SPAG16: variants seen among roughly 807,000 people sequenced by gnomAD.
SPAG16 encodes the protein sperm associated antigen 16, also known as sperm-associated antigen 16 protein.
A neutral mutation model predicts 80.4 loss-of-function variants in SPAG16; 86 were observed. That is an observed-to-expected ratio of 1.07 (90% confidence interval 0.90 to 1.28). The LOEUF is 1.28. Ranked by LOEUF, SPAG16 falls within the 50% of genes most tolerant of loss-of-function variation. The probability of loss-of-function intolerance (pLI) is 0.00; values close to 1 mark genes in which losing one functional copy is unlikely to be tolerated. For missense variants in SPAG16, 870 were observed against 765.3 expected (o/e 1.14, Z -1.61); for synonymous variants, 294 against 265.9 (o/e 1.11, Z -1.03).
intron 15 of SPAG16, among the ~76,000 whole-genome samples, chr2:214,262,946 T>A (rs749109373): frequency 1.3e-5 from 2 of 152,126 alleles, no homozygotes; most frequent in Non-Finnish European, 2.9e-5. Flanking sequence ...TATTTAGGTA[T>A]AATTGACAAA....
Position 213,681,167 on chromosome 2 carries a change from G to A in SPAG16, c.1071-181318G>A, listed in dbSNP as rs147887514. On this transcript the variant is annotated intron_variant, in intron 10 of 15. Coordinates refer to ENST00000331683, the MANE Select transcript of SPAG16 (RefSeq NM_024532.5). ...CAAAGGGGAAAGAGGATTCTCTATAGGATGTGGATTTTTCCCACAGGATAC... is the reference window on the plus strand; with the variant it reads ...CAAAGGGGAAAGAGGATTCTCTATAAGATGTGGATTTTTCCCACAGGATAC... Among the ~76,000 whole-genome samples the A allele has an allele frequency of 8.5e-3, 1,288 of 152,288 alleles. 8 individuals are homozygous for A. The highest frequency in any genetic ancestry group is 0.02 in the Middle Eastern group (6 of 294).
At chr2:213,307,454 T>C (rs1173855907) in intron 3 of SPAG16, among the ~76,000 whole-genome samples, 1 of 142,398 alleles carries the variant, frequency 7.0e-6, no homozygotes, top group East Asian at 2.1e-4. Context: ...GAATATGCGG[T>C]GTTTGGTTTT....
rs570974480 is a variant in SPAG16, at chr2:213,663,926, A to G, written c.1070+173836A>G. Among the ~76,000 whole-genome samples the G allele has an allele frequency of 5.3e-5, 8 of 152,234 alleles. No individual in the cohort carries two copies. The East Asian group carries it at 1.5e-3, about 29-fold the overall frequency. On this transcript the variant is annotated intron_variant, in intron 10 of 15. Transcript: ENST00000331683. ...GTATTAGTTTTCCATTGTCACTGCA[A>G]TAAATTAGTATAAACTTAGTTTAAA... is the stretch of plus-strand genomic sequence containing the variant.
Position 213,340,191 on chromosome 2 carries a change from CAGAA to C in SPAG16, c.570_573del (p.Lys190AsnfsTer12), listed in dbSNP as rs1323841095. 1.2e-6 allele frequency: 2 copies of C among 1,608,532 alleles called. No individual in the cohort carries two copies. The highest frequency in any genetic ancestry group is 3.4e-5 in the Admixed American group (2 of 58,964). On this transcript the variant is annotated frameshift_variant, in exon 6 of 16. Coordinates refer to ENST00000331683, the MANE Select transcript of SPAG16 (RefSeq NM_024532.5). LOFTEE classifies it high-confidence loss of function. ...AGCTAGAGAAGATTTGCTGAAAATT[CAGAA>C]AGAACGTGATTTTCATCGAATGCAT...
At position 213,792,242 on chromosome 2, in the gene SPAG16, C is replaced by T. The variant is rs1174541482; in HGVS notation, c.1071-70243C>T. On this transcript the variant is annotated intron_variant, in intron 10 of 15. Transcript: ENST00000331683. ...CAAGGAATCCCATAGCTTTTGCTGA[C>T]GGAAGCAAATCGCACTCACTGTACT... Among the ~76,000 whole-genome samples, 5 of 152,162 alleles carry T rather than the reference C, an allele frequency of 3.3e-5. No individual in the cohort carries two copies. The South Asian group carries it at 1.0e-3, about 32-fold the overall frequency.
rs568822385 is a variant in SPAG16, at chr2:214,353,145, AT to A, written c.1721-56994del. Among the ~76,000 whole-genome samples the A allele has an allele frequency of 3.7e-3, 567 of 152,246 alleles. 3 individuals carry two copies. The highest frequency in any genetic ancestry group is 6.2e-3 in the Non-Finnish European group (422 of 67,980). ...AATATTTATTTGGTCTAACTATCAA[AT>A]GTTTCTTTATTGAATAAAATTCACA... On this transcript the variant is annotated intron_variant, in intron 15 of 15. Transcript: ENST00000331683.
chr2:213,584,665 CGGGA>C (rs2060406937), intron 10 of SPAG16, among the ~76,000 whole-genome samples: 1 of 151,838 alleles, frequency 6.6e-6, no homozygotes, highest in Admixed American at 6.6e-5. Flanking sequence ...GACGGATGGA[CGGGA>C]GGAAGTGAGG....
chr2:213,521,920 T>C (rs2125851147), intron 10 of SPAG16, among the ~76,000 whole-genome samples: 1 of 152,344 alleles, frequency 6.6e-6, no homozygotes, highest in African/African-American at 2.4e-5. Context: ...GTGGTCAACA[T>C]CAATGAAGCA....
At position 213,980,568 on chromosome 2, in the gene SPAG16, T is replaced by TAATATATATAGAATATATGTGTATATAG. The variant is rs2045672895; in HGVS notation, c.1401-33382_1401-33381insATATATATAGAATATATGTGTATATAGA. 4.9e-5 allele frequency among the ~76,000 whole-genome samples: 7 copies of TAATATATATAGAATATATGTGTATATAG among 142,106 alleles called. No individual in the cohort carries two copies. The South Asian group carries it at 1.3e-3, about 26-fold the overall frequency. The allele number at this position is 142,106 out of a possible 152,430, so 93.2% of individuals were successfully genotyped here. A position where few individuals can be genotyped will look rare whatever the true frequency, so the allele number is the denominator to read the frequency against. On this transcript the variant is annotated intron_variant, in intron 12 of 15. Coordinates refer to ENST00000331683, the MANE Select transcript of SPAG16 (RefSeq NM_024532.5). ...TATATATAGAATATATGTGTATATA[T>TAATATATATAGAATATATGTGTATATAG]AGAGAGTATATGTATATATAGAATA...
At chr2:213,818,181 C>G (rs1182272998) in intron 10 of SPAG16, among the ~76,000 whole-genome samples, 1 of 152,090 alleles carries the variant, frequency 6.6e-6, no homozygotes, top group Non-Finnish European at 1.5e-5. Context: ...AAAGTTTAAT[C>G]ACTGGAAAAG....
chr2:213,778,795 T>G lies in SPAG16; in HGVS notation c.1071-83690T>G, dbSNP rs76323069. ...TGTAGCTGTTTACCAAGCAAACTTCTCTTATGCAACTGGAAAGCCTTGAGT... is the reference window on the plus strand; with the variant it reads ...TGTAGCTGTTTACCAAGCAAACTTCGCTTATGCAACTGGAAAGCCTTGAGT... On this transcript the variant is annotated intron_variant, in intron 10 of 15. Coordinates refer to ENST00000331683, the MANE Select transcript of SPAG16 (RefSeq NM_024532.5). 6.8e-3 allele frequency among the ~76,000 whole-genome samples: 1,038 copies of G among 152,322 alleles called. 15 individuals are homozygous for G. Among genetic ancestry groups the G allele is most frequent in the African/African-American group, 0.023 (974 of 41,564 alleles).
chr2:213,308,862 C>T (rs1402001058), intron 3 of SPAG16, among the ~76,000 whole-genome samples: 1 of 152,038 alleles, frequency 6.6e-6, no homozygotes, highest in Non-Finnish European at 1.5e-5. Flanking sequence ...CACATAGTCC[C>T]GTTCCTCTCA....
chr2:213,375,958 TAAATATA>T (rs1335124384), intron 9 of SPAG16, among the ~76,000 whole-genome samples: 2 of 150,058 alleles, frequency 1.3e-5, no homozygotes, highest in African/African-American at 4.9e-5. Flanking sequence ...TAAATTTGTA[TAAATATA>T]AAATATAAAA....
At chr2:214,357,719 ACT>A (rs572605099) in intron 15 of SPAG16, among the ~76,000 whole-genome samples, 2 of 150,912 alleles carry the variant, frequency 1.3e-5, no homozygotes, top group Non-Finnish European at 3.0e-5. Context: ...ATTTTTTATA[ACT>A]CTCCTTCATG....
At chr2:213,727,968 C>T (rs930032557) in intron 10 of SPAG16, among the ~76,000 whole-genome samples, 12 of 152,022 alleles carry the variant, frequency 7.9e-5, no homozygotes, top group African/African-American at 2.7e-4. Flanking sequence ...TCTTCTTCAG[C>T]CTCCTGAGTA....
At chr2:214,182,138 T>C (rs902055597) in intron 15 of SPAG16, among the ~76,000 whole-genome samples, 1 of 151,712 alleles carries the variant, frequency 6.6e-6, no homozygotes, top group Non-Finnish European at 1.5e-5. Context: ...GAGATTTAAA[T>C]ATATATACAT....
chr2:214,260,738 G>T (rs7355712), intron 15 of SPAG16, among the ~76,000 whole-genome samples: 2 of 151,798 alleles, frequency 1.3e-5, no homozygotes, highest in South Asian at 2.1e-4. Context: ...ATAGTGCCTG[G>T]GTATCTATCT....
chr2:213,601,483 G>A (rs949483862), intron 10 of SPAG16, among the ~76,000 whole-genome samples: 1 of 152,150 alleles, frequency 6.6e-6, no homozygotes, highest in African/African-American at 2.4e-5. Context: ...AAACGCTAGG[G>A]TGTATGCCTA....
At chr2:213,437,867 C>A (rs1459815840) in intron 9 of SPAG16, among the ~76,000 whole-genome samples, 1 of 152,152 alleles carries the variant, frequency 6.6e-6, no homozygotes, top group Non-Finnish European at 1.5e-5. Context: ...CAGTAAATAG[C>A]TCTGTCGCTC....
Sources: allele counts gnomAD v4.1 joint callset (sites outside exome capture counted in the v4.1 genomes callset), GRCh38; gene constraint gnomAD v4.1.1; transcripts MANE v1.5; gene names NCBI Gene and HGNC (gene_info 2026-07-23, HGNC 2026-07-21).